The following DSC1 variants were observed in gnomAD, a reference collection of about 807,000 sequenced individuals.
The protein encoded by DSC1 is desmocollin 1, also known as desmocollin-1.
In DSC1, 79 loss-of-function variants were observed where a neutral mutation model predicts 98.8. That is an observed-to-expected ratio of 0.80 (90% CI 0.67 to 0.96). The LOEUF is 0.96. DSC1 is among the 50% of genes least tolerant of loss of function. The pLI is 0.00. For missense variants in DSC1, 1,115 were observed against 1,075.9 expected, an observed-to-expected ratio of 1.04 and a Z score of -0.51; for synonymous variants, 405 against 372.1, an observed-to-expected ratio of 1.09 and a Z score of -1.02.
intron 1 of DSC1, among the ~76,000 whole-genome samples, chr18:31,161,204 A>G (rs1481415636): frequency 6.6e-6 from 1 of 152,126 alleles, no homozygotes; most frequent in Non-Finnish European, 1.5e-5. Context: ...TAGATATAGA[A>G]AAAGTACATT....
chr18:31,133,299 G>C (rs1010762440), intron 13 of DSC1, among the ~76,000 whole-genome samples: 2 of 152,052 alleles, frequency 1.3e-5, no homozygotes, highest in Admixed American at 1.3e-4. Flanking sequence ...TTAATTAAGC[G>C]TGGGCAATAT....
At chr18:31,150,034 C>CCAT (rs756885672) in intron 5 of DSC1, among the ~76,000 whole-genome samples, 2 of 139,614 alleles carry the variant, frequency 1.4e-5, no homozygotes, top group South Asian at 2.2e-4. Flanking sequence ...TCACCACTTA[C>CCAT]CATCATCATC....
intron 6 of DSC1, among the ~76,000 whole-genome samples, chr18:31,148,196 C>T (rs934016904): frequency 6.6e-6 from 1 of 151,984 alleles, no homozygotes; most frequent in Non-Finnish European, 1.5e-5. Context: ...ACAACCCCAC[C>T]CTGGAGAGAA....
intron 14 of DSC1, chr18:31,132,256 T>A (rs745570512): frequency 8.6e-6 from 3 of 348,746 alleles, no homozygotes; most frequent in Non-Finnish European, 1.6e-5. Flanking sequence ...TAGGAGAGAG[T>A]CCTGGAACAG....
Position 31,130,455 on chromosome 18 carries a change from C to A in DSC1, c.*59G>T. The A allele has an allele frequency of 6.3e-7, 1 of 1,586,320 alleles. No individual in the cohort carries two copies. The highest frequency in any genetic ancestry group is 1.1e-5 in the South Asian group (1 of 89,132). The stretch of plus-strand genomic sequence containing the variant: ...AACATTAGCAGATGCTGCTAACATT[C>A]TGCAAGTAATAAATTCCTACTTATG... On this transcript the variant is annotated 3_prime_UTR_variant, in exon 16 of 16. Transcript: ENST00000257198.
intron 8 of DSC1, among the ~76,000 whole-genome samples, chr18:31,143,141 CAT>C (rs1032470293): frequency 4.6e-5 from 7 of 151,520 alleles, no homozygotes; most frequent in African/African-American, 1.7e-4. Context: ...ACACATCACA[CAT>C]ATATATATTT....
At chr18:31,140,016 A>G in intron 10 of DSC1, 26 bp downstream of exon 10, 11 of 1,584,592 alleles carry the variant, frequency 6.9e-6, no homozygotes, top group Non-Finnish European at 9.4e-6. Flanking sequence ...AATTAAAATT[A>G]AGGAGCTTTT....
intron 11 of DSC1, among the ~76,000 whole-genome samples, chr18:31,137,904 T>C (rs1041284959): frequency 6.6e-6 from 1 of 151,826 alleles, no homozygotes; most frequent in Non-Finnish European, 1.5e-5. Flanking sequence ...GAAAGTTGGA[T>C]TCTAAGACAG....
intron 9 of DSC1, 113 bp from the exon 10 acceptor site, chr18:31,140,414 G>A: frequency 8.3e-7 from 1 of 1,203,024 alleles, no homozygotes; most frequent in African/African-American, 1.5e-5. Flanking sequence ...GTAACCTAAA[G>A]TTAGGTCTAA....
chr18:31,159,580 T>A, intron 1 of DSC1, 51 bp from the exon 2 acceptor site: 1 of 1,493,604 alleles, frequency 6.7e-7, no homozygotes, highest in Non-Finnish European at 9.0e-7. Flanking sequence ...GATCACAAAT[T>A]TTCACATTGT....
intron 4 of DSC1, among the ~76,000 whole-genome samples, chr18:31,155,746 T>C (rs1218937524): frequency 1.3e-5 from 2 of 152,206 alleles, no homozygotes; most frequent in Admixed American, 1.3e-4. Context: ...TAGGTGTGCC[T>C]TCTGTACATT....
intron 2 of DSC1, 148 bp from the exon 3 acceptor site, chr18:31,157,721 TG>T: frequency 1.4e-6 from 1 of 728,504 alleles, no homozygotes; most frequent in Non-Finnish European, 2.3e-6. Context: ...TTCTAAAACG[TG>T]GGGGCCATGA....
intron 7 of DSC1, among the ~76,000 whole-genome samples, chr18:31,145,389 C>T (rs948354797): frequency 1.3e-5 from 2 of 152,170 alleles, no homozygotes; most frequent in Admixed American, 1.3e-4. Context: ...TTATCATCAA[C>T]AAATCAAATC....
intron 5 of DSC1, among the ~76,000 whole-genome samples, chr18:31,150,630 T>C (rs1185020209): frequency 1.3e-5 from 2 of 152,014 alleles, no homozygotes; most frequent in African/African-American, 4.8e-5. Flanking sequence ...TGTCACATCA[T>C]CATTATCATC....
intron 11 of DSC1, among the ~76,000 whole-genome samples, chr18:31,136,844 T>C (rs891626771): frequency 6.6e-6 from 1 of 152,178 alleles, no homozygotes; most frequent in African/African-American, 2.4e-5. Context: ...AGGTTGATGG[T>C]AAGTTTTTAT....
chr18:31,135,862 C>A (rs1988599196), intron 11 of DSC1, among the ~76,000 whole-genome samples: 1 of 152,018 alleles, frequency 6.6e-6, no homozygotes, highest in Non-Finnish European at 1.5e-5. Context: ...AAATACTGGT[C>A]CACATTTTGA....
chr18:31,145,652 T>C lies in DSC1; in HGVS notation c.898A>G (p.Thr300Ala), dbSNP rs1357451891. Residue 300 changes from threonine (T) to alanine (A), a missense_variant, in exon 7 of 16, where the codon ACC becomes GCC. Thr to Ala is a moderately conservative substitution (Grantham distance 58). Transcript: ENST00000257198. The stretch of plus-strand genomic sequence containing the variant: ...GGTGTAGTTGTGGTGATGACACCGG[T>C]ATCTGGGTGTATGGAGAAATGCTTT... Reference protein sequence around the residue: ...HPKHFSIHPDTGVITTTTPFL... With the variant: ...HPKHFSIHPDAGVITTTTPFL... 1 of 1,614,068 alleles carries C rather than the reference T, an allele frequency of 6.2e-7. No individual in the cohort carries two copies. The highest frequency in any genetic ancestry group is 1.3e-5 in the African/African-American group (1 of 74,930).
chr18:31,154,997 T>C (rs1989068713), intron 4 of DSC1, 68 bp from the exon 5 acceptor site: 12 of 1,557,964 alleles, frequency 7.7e-6, no homozygotes, highest in South Asian at 3.6e-5. Flanking sequence ...CCTCTTGTGA[T>C]GGTTTATTTT....
At chr18:31,141,700 T>C (rs543703276) in intron 9 of DSC1, among the ~76,000 whole-genome samples, 2 of 152,216 alleles carry the variant, frequency 1.3e-5, no homozygotes, top group South Asian at 2.1e-4. Flanking sequence ...AAAAAAGAAA[T>C]GTGGACAAGT....
Sources: allele counts gnomAD v4.1 joint callset (sites outside exome capture counted in the v4.1 genomes callset), GRCh38; gene constraint gnomAD v4.1.1; transcripts MANE v1.5; gene names NCBI Gene and HGNC (gene_info 2026-07-23, HGNC 2026-07-21).